SYNE2: variants seen among roughly 807,000 people sequenced by gnomAD.
The protein encoded by SYNE2 is nesprin-2.
SYNE2 carries 431 observed loss-of-function variants against 856.3 expected under a neutral mutation model. The observed-to-expected ratio is 0.50, with a 90% CI of 0.47 to 0.55. The LOEUF (loss-of-function observed/expected upper bound fraction) is 0.55. SYNE2 is among the 20% of genes least tolerant of loss of function. The pLI is 0.00. For missense variants in SYNE2, 8,129 were observed against 8,023.2 expected, an observed-to-expected ratio of 1.01 and a Z score of -0.50; for synonymous variants, 2,923 against 2,872.3, an observed-to-expected ratio of 1.02 and a Z score of -0.56.
rs1352571372 is a variant in SYNE2, at chr14:64,209,545, C to T, written c.18507C>T (p.Tyr6169=). 7 of 1,614,106 alleles carry T rather than the reference C, an allele frequency of 4.3e-6. No individual in the cohort carries two copies. The highest frequency in any genetic ancestry group is 5.9e-6 in the Non-Finnish European group (7 of 1,180,060). ...AACPNSSEVL[Y]TSAKEELKRF... ...GCCCAAATTCCTCAGAGGTGTTGTA[C>T]ACGAGTGCCAAAGAGGAACTGAAGA... Residue 6169 remains tyrosine, a synonymous_variant, in exon 102 of 116, where the codon TAC becomes TAT. Transcript: ENST00000555002.
chr14:64,062,404 A>T lies in SYNE2; in HGVS notation c.10068-347A>T, dbSNP rs1221104402. Reference sequence around the variant, plus strand: ...GCATTAATGGGTCAAAGATGGGAATAGTTTTAAGACTAAGTGGTTTTCCAC... The same window carrying T: ...GCATTAATGGGTCAAAGATGGGAATTGTTTTAAGACTAAGTGGTTTTCCAC... On this transcript the variant is annotated intron_variant, in intron 49 of 115. Coordinates refer to ENST00000555002, the MANE Select transcript of SYNE2 (RefSeq NM_182914.3). 3.3e-5 allele frequency among the ~76,000 whole-genome samples: 5 copies of T among 152,352 alleles called. No homozygotes were observed. The East Asian group carries it at 5.8e-4, about 18-fold the overall frequency.
chr14:63,848,859 G>A (rs1890314835), upstream of SYNE2, among the ~76,000 whole-genome samples: 2 of 152,210 alleles, frequency 1.3e-5, no homozygotes, highest in African/African-American at 2.4e-5. Flanking sequence ...CACGTACACA[G>A]CTCCACTGAA....
chr14:63,857,429 C>T (rs1265908357), intron 1 of SYNE2, among the ~76,000 whole-genome samples: 2 of 152,150 alleles, frequency 1.3e-5, no homozygotes, highest in Non-Finnish European at 2.9e-5. Context: ...AATAAAGCTG[C>T]CATGAACATT....
In SYNE2 at chr14:64,128,449, C is replaced by T. The variant is rs1230454606; in HGVS notation, c.13918-3C>T. 1.4e-6 allele frequency: 2 copies of T among 1,479,264 alleles called. No individual in the cohort carries two copies. The highest frequency in any genetic ancestry group is 1.9e-6 in the Non-Finnish European group (2 of 1,057,286). 91.6% of individuals were successfully genotyped at this position (1,479,264 alleles called of 1,614,324 possible). A position where few individuals can be genotyped will look rare whatever the true frequency, so the allele number is the denominator to read the frequency against. ...TGCTCAGTTTCCGACATTTATCTTA[C>T]AGAATGAAATAAAGAGATTATATCA... On this transcript the variant is annotated splice_polypyrimidine_tract_variant and splice_region_variant and intron_variant, in intron 73 of 115. Coordinates refer to ENST00000555002, the MANE Select transcript of SYNE2 (RefSeq NM_182914.3).
intron 7 of SYNE2, among the ~76,000 whole-genome samples, chr14:63,950,359 G>A (rs952747645): frequency 3.9e-5 from 6 of 152,032 alleles, no homozygotes; most frequent in African/African-American, 1.4e-4. Context: ...TTCGAGACCA[G>A]CCTGGCTAAC....
chr14:63,854,168 T>TA (rs1417102437), intron 1 of SYNE2, among the ~76,000 whole-genome samples: 1 of 151,784 alleles, frequency 6.6e-6, no homozygotes, highest in Non-Finnish European at 1.5e-5. Context: ...CATCACTTTT[T>TA]TTTTTTTTTT....
At chr14:63,811,192 A>T (rs1888601914) in intron 1 of SYNE2, among the ~76,000 whole-genome samples, 1 of 152,118 alleles carries the variant, frequency 6.6e-6, no homozygotes, top group African/African-American at 2.4e-5. Context: ...TTTAATAAGA[A>T]TCTGTTCTCC....
In SYNE2 at chr14:64,087,841, T is replaced by A; in HGVS notation, c.11655T>A (p.Ile3885=). ...QQKIMESLPQ[I]QRMADDVVAI... The stretch of plus-strand genomic sequence containing the variant: ...AAATAATGGAAAGCCTTCCACAGAT[T>A]CAGCGAATGGCTGATGTAAGTTTGC... Residue 3885 remains isoleucine (I), a synonymous_variant, in exon 58 of 116, where the codon ATT becomes ATA. Transcript: ENST00000555002. 6.2e-7 allele frequency: 1 copy of A among 1,614,078 alleles called. No individual in the cohort carries two copies. The highest frequency in any genetic ancestry group is 8.5e-7 in the Non-Finnish European group (1 of 1,179,944).
chr14:63,849,711 A>C (rs1222584624), upstream of SYNE2, among the ~76,000 whole-genome samples: 1 of 152,208 alleles, frequency 6.6e-6, no homozygotes, highest in Non-Finnish European at 1.5e-5. Context: ...TTGTGCCATG[A>C]GATCGGGCGA....
intron 8 of SYNE2, among the ~76,000 whole-genome samples, chr14:63,955,331 C>T (rs777217747): frequency 9.9e-5 from 15 of 152,162 alleles, no homozygotes; most frequent in Non-Finnish European, 1.6e-4. Context: ...GAAACTGCTG[C>T]CTTCCCGTCT....
intron 2 of SYNE2, among the ~76,000 whole-genome samples, chr14:63,924,861 T>TTTTTTTTTTTTTTTTTTTC (rs2095644869): frequency 7.1e-6 from 1 of 141,148 alleles, no homozygotes; most frequent in Non-Finnish European, 1.6e-5. Flanking sequence ...TTTTTTTTTT[T>TTTTTTTTTTTTTTTTTTTC]TTGCCTTACT....
At chr14:64,174,113 C>T in intron 94 of SYNE2, 1 of 482,274 alleles carries the variant, frequency 2.1e-6, no homozygotes. Context: ...ACTCTGTCAC[C>T]CAGGCTGGAG....
At chr14:63,908,974 C>T in intron 1 of SYNE2, 124 bp from the exon 2 acceptor site, 1 of 634,456 alleles carries the variant, frequency 1.6e-6, no homozygotes, top group South Asian at 1.7e-5. Flanking sequence ...CATGGAAGCA[C>T]ATAGTAGAAA....
rs1414756178 is a variant in SYNE2 at position 64,216,374 on chromosome 14, A to G, written c.19529A>G (p.Tyr6510Cys). Reference protein sequence around the residue: ...PPVPPASSTPYKPPYGKLLLP... With the variant: ...PPVPPASSTPCKPPYGKLLLP... Reference sequence around the variant, plus strand: ...GTTCCCCCTGCGTCCAGCACCCCTTATAAACCACCCTATGTAAGTCTTAAC... The same window carrying G: ...GTTCCCCCTGCGTCCAGCACCCCTTGTAAACCACCCTATGTAAGTCTTAAC... The change falls in exon 108 of 116, where the codon TAT becomes TGT. Residue 6510 changes from tyrosine to cysteine, a missense_variant. Around this residue, in one of 3 missense-constraint regions of SYNE2, gnomAD observed 5,410 missense variants for 5,284.8 expected, o/e 1.02. Transcript: ENST00000555002. 1.2e-6 allele frequency: 2 copies of G among 1,614,172 alleles called. No individual in the cohort carries two copies. The highest frequency in any genetic ancestry group is 1.7e-5 in the Admixed American group (1 of 60,032).
intron 1 of SYNE2, among the ~76,000 whole-genome samples, chr14:63,839,506 AT>A (rs1202400226): frequency 2.6e-5 from 4 of 152,006 alleles, no homozygotes; most frequent in Admixed American, 6.6e-5. Context: ...TCATTTGTTT[AT>A]TTTTTTGTAC....
intron 64 of SYNE2, among the ~76,000 whole-genome samples, chr14:64,106,111 T>C (rs1010612532): frequency 6.9e-6 from 1 of 144,452 alleles, no homozygotes; most frequent in Non-Finnish European, 1.5e-5. Context: ...CTCCTAGGTA[T>C]ACATGGAATT....
At chr14:64,024,112 A>G (rs537528048) in intron 38 of SYNE2, 145 bp from the exon 39 acceptor site, 2 of 697,050 alleles carry the variant, frequency 2.9e-6, no homozygotes, top group South Asian at 3.1e-5. Context: ...CATTGGAGAT[A>G]GCCACATCTC....
At chr14:64,118,578 G>A (rs971281047) in intron 66 of SYNE2, among the ~76,000 whole-genome samples, 1 of 152,076 alleles carries the variant, frequency 6.6e-6, no homozygotes, top group Non-Finnish European at 1.5e-5. Context: ...GATTAGGAAG[G>A]TAGGCGAGGC....
intron 1 of SYNE2, among the ~76,000 whole-genome samples, chr14:63,845,090 T>G (rs1890184388): frequency 6.6e-6 from 1 of 152,146 alleles, no homozygotes; most frequent in South Asian, 2.1e-4. Flanking sequence ...GAAATTAATT[T>G]TGGCATATTG....
Sources: allele counts gnomAD v4.1 joint callset (sites outside exome capture counted in the v4.1 genomes callset), GRCh38; gene constraint gnomAD v4.1.1; regional missense constraint gnomAD v4.1.1; transcripts MANE v1.5; gene names NCBI Gene and HGNC (gene_info 2026-07-23, HGNC 2026-07-21).